The following MVB12B variants were observed in gnomAD, a reference collection of about 807,000 sequenced individuals.
The protein encoded by MVB12B is ESCRT-I complex subunit MVB12B.
In MVB12B, 16 loss-of-function variants were observed where a neutral mutation model predicts 41.6. That is an observed-to-expected ratio of 0.38 (90% confidence interval 0.26 to 0.58). The LOEUF is 0.58. Ranked by LOEUF, MVB12B falls within the 20% of genes least tolerant of loss-of-function variation. MVB12B has a pLI of 0.62. For synonymous variants in MVB12B, 133 were observed against 139.7 expected (o/e 0.95, Z 0.34); for missense variants, 274 against 380.2 (o/e 0.72, Z 2.32).
intron 7 of MVB12B, among the ~76,000 whole-genome samples, chr9:126,431,206 A>G (rs1290055094): frequency 3.9e-5 from 6 of 152,220 alleles, no homozygotes; most frequent in African/African-American, 1.4e-4. Context: ...ACTTGCAATA[A>G]AAGGCTCTCT....
intron 6 of MVB12B, among the ~76,000 whole-genome samples, chr9:126,417,735 A>G (rs564115120): frequency 6.6e-5 from 10 of 152,310 alleles, no homozygotes; most frequent in African/African-American, 1.9e-4. Flanking sequence ...CACATTAGGG[A>G]ACAGGTTTAT....
At chr9:126,503,108 G>C in intron 9 of MVB12B, 69 bp from the exon 10 acceptor site, 1 of 1,331,280 alleles carries the variant, frequency 7.5e-7, no homozygotes, top group South Asian at 1.3e-5. Flanking sequence ...CTTGATCTGA[G>C]GCTGTGGAGG....
At chr9:126,454,397 T>C (rs1832939027) in intron 7 of MVB12B, among the ~76,000 whole-genome samples, 1 of 152,224 alleles carries the variant, frequency 6.6e-6, no homozygotes, top group African/African-American at 2.4e-5. Flanking sequence ...TAGAGCCTAG[T>C]GGGGCAGAAT....
At chr9:126,418,326 C>A (rs1564320624) in intron 6 of MVB12B, among the ~76,000 whole-genome samples, 1 of 152,068 alleles carries the variant, frequency 6.6e-6, no homozygotes, top group African/African-American at 2.4e-5. Context: ...AAGAGCTGGG[C>A]CCCTTGATTT....
At chr9:126,337,073 C>T (rs1829305304) in intron 1 of MVB12B, among the ~76,000 whole-genome samples, 1 of 152,242 alleles carries the variant, frequency 6.6e-6, no homozygotes, top group Non-Finnish European at 1.5e-5. Context: ...CAACATTTGT[C>T]TTGTCATCCA....
In MVB12B at chr9:126,499,263, C is replaced by T. The variant is rs541918430; in HGVS notation, c.874-3914C>T. On this transcript the variant is annotated intron_variant, in intron 9 of 9. Transcript: ENST00000361171. ...GGGTCCCCGGGACCCCTGGCAGAGCCTCCAGGACCCCTGGCAGAACCCCTG... is the reference window on the plus strand; with the variant it reads ...GGGTCCCCGGGACCCCTGGCAGAGCTTCCAGGACCCCTGGCAGAACCCCTG... 3.7e-3 allele frequency among the ~76,000 whole-genome samples: 558 copies of T among 152,148 alleles called. 1 individual carries two copies. The highest frequency in any genetic ancestry group is 5.1e-3 in the Non-Finnish European group (348 of 67,946).
At chr9:126,385,232 C>T (rs1564302036) in intron 3 of MVB12B, among the ~76,000 whole-genome samples, 1 of 152,106 alleles carries the variant, frequency 6.6e-6, no homozygotes, top group Admixed American at 6.5e-5. Flanking sequence ...TGCTGTGTGG[C>T]AAAAACCATG....
At chr9:126,497,083 G>A (rs1044524374) in intron 9 of MVB12B, among the ~76,000 whole-genome samples, 1 of 152,126 alleles carries the variant, frequency 6.6e-6, no homozygotes, top group African/African-American at 2.4e-5. Flanking sequence ...TCAGTGACCC[G>A]GGCTGGGTGC....
In MVB12B at chr9:126,504,392, G is replaced by A. The variant is rs1178777796; in HGVS notation, c.*1129G>A. ...GCCTCACTCTGTGGTGTCAGGCACT[G>A]GGCTGTGTCCTGATTCCTCAGAGTA... is the stretch of plus-strand genomic sequence containing the variant. On this transcript the variant is annotated 3_prime_UTR_variant, in exon 10 of 10. Coordinates refer to ENST00000361171, the MANE Select transcript of MVB12B (RefSeq NM_033446.3). 1 of 152,320 alleles carries A rather than the reference G, an allele frequency of 6.6e-6. No individual in the cohort carries two copies. The allele number at this position is 152,320 out of a possible 1,614,324, so 9.4% of individuals were successfully genotyped here.
chr9:126,386,332 C>T lies in MVB12B; in HGVS notation c.313-230C>T, dbSNP rs1307952978. Among the ~76,000 whole-genome samples the T allele has an allele frequency of 6.6e-6, 1 of 152,126 alleles. No homozygotes were observed. The highest frequency in any genetic ancestry group is 1.5e-5 in the Non-Finnish European group (1 of 68,030). ...TGGGTTGCTCCTGCCTCACCAAGGC[C>T]GTGTCTGAGTTGAGTGGCTTTGAGG... is the stretch of plus-strand genomic sequence containing the variant. On this transcript the variant is annotated intron_variant, in intron 3 of 9. Coordinates refer to ENST00000361171, the MANE Select transcript of MVB12B (RefSeq NM_033446.3). This position sits in a 1 kb window ranked among gnomAD's most constrained non-coding sequence, Gnocchi z 4.3.
At chr9:126,482,514 G>A (rs576815910) in intron 8 of MVB12B, among the ~76,000 whole-genome samples, 25 of 152,360 alleles carry the variant, frequency 1.6e-4, no homozygotes, top group African/African-American at 5.8e-4. Flanking sequence ...GGGCCGCGTT[G>A]CCATGGCGAC....
Position 126,352,207 on chromosome 9 carries a change from A to G in MVB12B, c.204+11577A>G, listed in dbSNP as rs117226687. ...TATTGATCTGTAGTTTTCTTTTTGTATACTGTCTGTCTGGCTTGGTAATAC... is the reference window on the plus strand; with the variant it reads ...TATTGATCTGTAGTTTTCTTTTTGTGTACTGTCTGTCTGGCTTGGTAATAC... On this transcript the variant is annotated intron_variant, in intron 2 of 9. Coordinates refer to ENST00000361171, the MANE Select transcript of MVB12B (RefSeq NM_033446.3). 3.8e-4 allele frequency among the ~76,000 whole-genome samples: 58 copies of G among 152,222 alleles called. No individual in the cohort carries two copies. The East Asian group carries it at 0.011, about 29-fold the overall frequency.
At chr9:126,368,283 C>T (rs1269771851) in intron 2 of MVB12B, among the ~76,000 whole-genome samples, 1 of 152,214 alleles carries the variant, frequency 6.6e-6, no homozygotes, top group African/African-American at 2.4e-5. Flanking sequence ...ATTTGAATCA[C>T]ATCTGTCTAG....
chr9:126,419,126 C>T (rs1171780121), intron 6 of MVB12B, among the ~76,000 whole-genome samples: 1 of 152,206 alleles, frequency 6.6e-6, no homozygotes, highest in East Asian at 1.9e-4. Context: ...CTCTGTGAGC[C>T]TCCCTGAATG....
At chr9:126,397,051 G>A (rs1831136594) in intron 6 of MVB12B, 4 of 985,408 alleles carry the variant, frequency 4.1e-6, no homozygotes, top group Non-Finnish European at 4.8e-6. Context: ...TCCATCACCT[G>A]TGTGTCGGGG....
intron 1 of MVB12B, among the ~76,000 whole-genome samples, chr9:126,338,381 T>C (rs1308687000): frequency 6.6e-6 from 1 of 152,240 alleles, no homozygotes; most frequent in Non-Finnish European, 1.5e-5. Context: ...ACCCTCCTGC[T>C]GTTGAGAGCG....
intron 7 of MVB12B, among the ~76,000 whole-genome samples, chr9:126,439,886 A>G (rs556815930): frequency 1.3e-5 from 2 of 152,350 alleles, no homozygotes; most frequent in East Asian, 3.9e-4. Context: ...CTAATGTCTC[A>G]TTAAGACTTG....
Position 126,378,113 on chromosome 9 carries a change from C to T in MVB12B, c.205-2951C>T, listed in dbSNP as rs1411982228. Among the ~76,000 whole-genome samples, 3 of 152,192 alleles carry T rather than the reference C, an allele frequency of 2.0e-5. No individual in the cohort carries two copies. The East Asian group carries it at 5.8e-4, about 29-fold the overall frequency. On this transcript the variant is annotated intron_variant, in intron 2 of 9. Coordinates refer to ENST00000361171, the MANE Select transcript of MVB12B (RefSeq NM_033446.3). ...GCATGCTGCACGCAAAGCATTTGGT[C>T]CTCCACCCCACACCCCACCTTACCC...
At chr9:126,479,113 T>TGTG (rs374907338) in intron 7 of MVB12B, among the ~76,000 whole-genome samples, 19,605 of 152,010 alleles carry the variant, frequency 0.13, 1,784 homozygotes, top group East Asian at 0.44. Context: ...GTGAGGACCA[T>TGTG]GACAGGTGAA....
Sources: allele counts gnomAD v4.1 joint callset (sites outside exome capture counted in the v4.1 genomes callset), GRCh38; gene constraint gnomAD v4.1.1; non-coding constraint Gnocchi (gnomAD v3.1); transcripts MANE v1.5; gene names NCBI Gene and HGNC (gene_info 2026-07-23, HGNC 2026-07-21).